ADARB2: variants seen among roughly 807,000 people sequenced by gnomAD.
ADARB2 encodes the protein adenosine deaminase RNA specific B2 (inactive).
In ADARB2, 25 loss-of-function variants were observed where a neutral mutation model predicts 62.2. The ratio of observed to expected loss-of-function variants is 0.40; its 90% confidence interval spans 0.29 to 0.56. The LOEUF is 0.56. Ranked by LOEUF, ADARB2 falls within the 20% of genes least tolerant of loss-of-function variation. The pLI is 0.43. For missense variants in ADARB2, 1,071 were observed against 1,077.4 expected (o/e 0.99, Z 0.08); for synonymous variants, 572 against 500.8 (o/e 1.14, Z -1.90).
chr10:1,215,248 G>A (rs1837218430), intron 7 of ADARB2, among the ~76,000 whole-genome samples: 1 of 152,230 alleles, frequency 6.6e-6, no homozygotes, highest in African/African-American at 2.4e-5. Flanking sequence ...TCCCATGCAG[G>A]CACTGCCTGC....
At chr10:1,464,939 CACACGGGA>C (rs1390509335) in intron 1 of ADARB2, among the ~76,000 whole-genome samples, 1 of 152,176 alleles carries the variant, frequency 6.6e-6, no homozygotes, top group Non-Finnish European at 1.5e-5. Flanking sequence ...CTCCAAGACC[CACACGGGA>C]CTGCCCACAG....
At position 1,495,746 on chromosome 10, in the gene ADARB2, A is replaced by G. The variant is rs376241244; in HGVS notation, c.101-116586T>C. On this transcript the variant is annotated intron_variant, in intron 1 of 9. Coordinates refer to ENST00000381312, the MANE Select transcript of ADARB2 (RefSeq NM_018702.4). ...CACCATCATCATAGTCATCATCACCATCATCATCATCATTATCATTGTTAT... is the reference window on the plus strand; with the variant it reads ...CACCATCATCATAGTCATCATCACCGTCATCATCATCATTATCATTGTTAT... Among the ~76,000 whole-genome samples, 236 of 149,688 alleles carry G rather than the reference A, an allele frequency of 1.6e-3. 1 individual carries two copies. In the South Asian group the frequency reaches 0.018, roughly 11 times the overall value.
intron 4 of ADARB2, 87 bp from the exon 5 acceptor site, chr10:1,242,386 T>C: frequency 7.0e-7 from 1 of 1,425,882 alleles, no homozygotes; most frequent in Non-Finnish European, 9.3e-7. Flanking sequence ...ACAACAGCGG[T>C]TTCCCTGGGT....
rs180771350 is a variant in ADARB2, at chr10:1,736,711, G to A, written c.100+340C>T. 3.6e-3 allele frequency among the ~76,000 whole-genome samples: 551 copies of A among 152,314 alleles called. 4 individuals are homozygous for A. The highest frequency in any genetic ancestry group is 0.013 in the African/African-American group (530 of 41,578). On this transcript the variant is annotated intron_variant, in intron 1 of 9. Coordinates refer to ENST00000381312, the MANE Select transcript of ADARB2 (RefSeq NM_018702.4). The stretch of plus-strand genomic sequence containing the variant: ...GGCACTGGGAGACGAGATGGCCTCC[G>A]GAGGGTGGAAGGCAGTGCCAGCCCG...
chr10:1,599,915 G>T (rs1431869291), intron 1 of ADARB2, among the ~76,000 whole-genome samples: 5 of 151,920 alleles, frequency 3.3e-5, no homozygotes, highest in African/African-American at 1.2e-4. Context: ...CCTAATTTTT[G>T]TATTTTTTTT....
At chr10:1,627,300 C>G (rs1442644756) in intron 1 of ADARB2, among the ~76,000 whole-genome samples, 1 of 152,176 alleles carries the variant, frequency 6.6e-6, no homozygotes, top group African/African-American at 2.4e-5. Flanking sequence ...TGACTCCATT[C>G]GGAGAGCAGG....
intron 3 of ADARB2, among the ~76,000 whole-genome samples, chr10:1,339,820 A>G (rs1238216575): frequency 2.0e-5 from 3 of 152,344 alleles, no homozygotes; most frequent in Admixed American, 2.0e-4. Flanking sequence ...TCAAAAAGGA[A>G]TGCATTCCCA....
At position 1,452,019 on chromosome 10, in the gene ADARB2, A is replaced by T. The variant is rs565525090; in HGVS notation, c.101-72859T>A. ...GCCTTATGAACGGTACCTAGGAATC[A>T]CGGATGTGGAGTTGGAGGCAGTGTG... is the stretch of plus-strand genomic sequence containing the variant. On this transcript the variant is annotated intron_variant, in intron 1 of 9. Transcript: ENST00000381312. Among the ~76,000 whole-genome samples, 4 of 152,286 alleles carry T rather than the reference A, an allele frequency of 2.6e-5. No individual in the cohort carries two copies. In the South Asian group the frequency reaches 8.3e-4, roughly 32 times the overall value.
At chr10:1,610,075 T>G (rs2132020238) in intron 1 of ADARB2, among the ~76,000 whole-genome samples, 1 of 152,320 alleles carries the variant, frequency 6.6e-6, no homozygotes, top group African/African-American at 2.4e-5. Flanking sequence ...TACTGCCTGT[T>G]TTCCTTTTTA....
At chr10:1,456,949 C>T (rs1234151913) in intron 1 of ADARB2, among the ~76,000 whole-genome samples, 2 of 152,108 alleles carry the variant, frequency 1.3e-5, no homozygotes, top group African/African-American at 4.8e-5. Context: ...CAAGCGCCAC[C>T]ACGCCTGGCT....
chr10:1,219,892 T>TGAA, intron 6 of ADARB2, among the ~76,000 whole-genome samples: 1 of 146,024 alleles, frequency 6.8e-6, no homozygotes, highest in Non-Finnish European at 1.5e-5. Context: ...ATGGTGATGG[T>TGAA]GATAATGATG....
intron 1 of ADARB2, among the ~76,000 whole-genome samples, chr10:1,682,623 A>G (rs1285908714): frequency 1.3e-5 from 2 of 152,220 alleles, no homozygotes; most frequent in Non-Finnish European, 2.9e-5. Context: ...CACTGCAGTT[A>G]GCGTCACTCA....
chr10:1,717,516 T>C (rs1001874822), intron 1 of ADARB2, among the ~76,000 whole-genome samples: 1 of 149,310 alleles, frequency 6.7e-6, no homozygotes, highest in Non-Finnish European at 1.5e-5. Flanking sequence ...TCTTTCTCTC[T>C]CTCTTTCCTT....
intron 1 of ADARB2, among the ~76,000 whole-genome samples, chr10:1,548,979 G>A (rs552415574): frequency 2.0e-5 from 3 of 152,276 alleles, no homozygotes; most frequent in African/African-American, 7.2e-5. Flanking sequence ...GGAGAGAGGC[G>A]TTGGTTTGTC....
At chr10:1,209,583 T>TA (rs1837121163) in intron 7 of ADARB2, among the ~76,000 whole-genome samples, 8 of 128,844 alleles carry the variant, frequency 6.2e-5, no homozygotes, top group Middle Eastern at 5.2e-3. Context: ...ACCCACACTC[T>TA]CACCATCACC....
intron 3 of ADARB2, among the ~76,000 whole-genome samples, chr10:1,297,481 C>CT (rs745394670): frequency 6.6e-5 from 10 of 152,190 alleles, no homozygotes; most frequent in Non-Finnish European, 1.3e-4. Flanking sequence ...CTGTTCCCCA[C>CT]TGATAAGGTG....
chr10:1,513,429 G>C (rs1831964244), intron 1 of ADARB2, among the ~76,000 whole-genome samples: 1 of 152,220 alleles, frequency 6.6e-6, no homozygotes, highest in Non-Finnish European at 1.5e-5. Flanking sequence ...GCACTCTGGA[G>C]TGTGTGGCTA....
intron 1 of ADARB2, chr10:1,526,773 A>G (rs567253102): frequency 4.1e-6 from 2 of 492,020 alleles, no homozygotes; most frequent in East Asian, 1.2e-4. Context: ...GCCGGATGAC[A>G]TGAAGCAGCT....
chr10:1,463,465 C>G (rs773789830), intron 1 of ADARB2, among the ~76,000 whole-genome samples: 3 of 152,232 alleles, frequency 2.0e-5, no homozygotes, highest in Admixed American at 6.5e-5. Context: ...ATGCCGTCAG[C>G]TTTTCCGCTA....
Sources: allele counts gnomAD v4.1 joint callset (sites outside exome capture counted in the v4.1 genomes callset), GRCh38; gene constraint gnomAD v4.1.1; transcripts MANE v1.5; gene names NCBI Gene and HGNC (gene_info 2026-07-23, HGNC 2026-07-21).